The following DCC variants were observed in gnomAD, a reference collection of about 807,000 sequenced individuals.
The protein encoded by DCC is DCC netrin 1 receptor, also known as netrin receptor DCC.
In DCC, 58 loss-of-function variants were observed where a neutral mutation model predicts 172.5. That is an observed-to-expected ratio of 0.34 (90% confidence interval 0.27 to 0.42). The LOEUF (loss-of-function observed/expected upper bound fraction) is 0.42, where lower values mean the gene tolerates loss of function less well. Among genes scored for constraint, DCC ranks in the 10% least tolerant of loss-of-function variants. DCC has a pLI of 1.00. For synonymous variants in DCC, 709 were observed against 644.5 expected, an observed-to-expected ratio of 1.10 and a Z score of -1.52; for missense variants, 1,740 against 1,791.0, an observed-to-expected ratio of 0.97 and a Z score of 0.51.
intron 1 of DCC, among the ~76,000 whole-genome samples, chr18:52,518,092 A>C (rs1157845270): frequency 6.6e-6 from 1 of 152,186 alleles, no homozygotes; most frequent in Non-Finnish European, 1.5e-5. Flanking sequence ...TTCCCTAAAA[A>C]ATCTTTGATA....
In DCC at chr18:53,533,208, A is replaced by G. The variant is rs2046540993; in HGVS notation, c.*2555A>G. 1 of 152,122 alleles carries G rather than the reference A, an allele frequency of 6.6e-6. No homozygotes were observed. The highest frequency in any genetic ancestry group is 1.5e-5 in the Non-Finnish European group (1 of 68,020). The allele number at this position is 152,122 out of a possible 1,614,324, so 9.4% of individuals were successfully genotyped here. On this transcript the variant is annotated 3_prime_UTR_variant, in exon 29 of 29. Transcript: ENST00000442544. ...GCCCAAGTTTTCAGGTAACTTATTA[A>G]TTTCCCAGTCTCCTGATCTCTTGAC...
At position 53,043,318 on chromosome 18, in the gene DCC, TG is replaced by T. The variant is rs1465900714; in HGVS notation, c.986-19981del. Reference sequence around the variant, plus strand: ...TCACACAGTGGGGCCTGCTGGGGGTTGGGGGGCAAGGGGAGAGATAACATTA... The same window carrying T: ...TCACACAGTGGGGCCTGCTGGGGGTTGGGGGCAAGGGGAGAGATAACATTA... On this transcript the variant is annotated intron_variant, in intron 5 of 28. Transcript: ENST00000442544. 2.8e-5 allele frequency among the ~76,000 whole-genome samples: 3 copies of T among 105,646 alleles called. No homozygotes were observed. The East Asian group carries it at 7.2e-4, about 25-fold the overall frequency. 69.3% of individuals were successfully genotyped at this position (105,646 alleles called of 152,430 possible).
At chr18:53,405,120 C>A (rs1909577756) in intron 19 of DCC, among the ~76,000 whole-genome samples, 1 of 151,206 alleles carries the variant, frequency 6.6e-6, no homozygotes, top group African/African-American at 2.4e-5. Flanking sequence ...AAATACTACA[C>A]CACTAAGCAG....
chr18:52,758,990 C>T (rs889000783), intron 2 of DCC: 4 of 152,084 alleles, frequency 2.6e-5, no homozygotes, highest in Non-Finnish European at 4.4e-5. Context: ...CTCTGTAATT[C>T]TTAATGACTT....
intron 1 of DCC, among the ~76,000 whole-genome samples, chr18:52,734,237 T>G (rs1893326096): frequency 6.6e-6 from 1 of 152,120 alleles, no homozygotes; most frequent in Non-Finnish European, 1.5e-5. Context: ...TGTCCTGGCT[T>G]AATTATAAAT....
At chr18:53,468,870 C>T (rs2045660962) in intron 25 of DCC, among the ~76,000 whole-genome samples, 2 of 152,116 alleles carry the variant, frequency 1.3e-5, no homozygotes, top group South Asian at 2.1e-4. Context: ...TACTTCTATG[C>T]TCAGTCTTGG....
intron 7 of DCC, among the ~76,000 whole-genome samples, chr18:53,135,302 G>T (rs1480802917): frequency 2.6e-5 from 4 of 152,060 alleles, no homozygotes; most frequent in African/African-American, 9.7e-5. Context: ...AAGAGATGGA[G>T]GTGGGATCAG....
chr18:53,246,541 A>G (rs958206309), intron 12 of DCC, among the ~76,000 whole-genome samples: 1 of 151,940 alleles, frequency 6.6e-6, no homozygotes, highest in African/African-American at 2.4e-5. Flanking sequence ...AAAACAGGTG[A>G]ATTAAAAGTA....
At chr18:52,351,898 TG>T (rs1414116718) in intron 1 of DCC, among the ~76,000 whole-genome samples, 1 of 152,216 alleles carries the variant, frequency 6.6e-6, no homozygotes, top group Non-Finnish European at 1.5e-5. Context: ...TCACCGGACC[TG>T]GAACTACTGT....
At chr18:52,545,195 A>G (rs1474344611) in intron 1 of DCC, among the ~76,000 whole-genome samples, 9 of 152,216 alleles carry the variant, frequency 5.9e-5, no homozygotes, top group African/African-American at 2.2e-4. Context: ...TTATCAGGAT[A>G]TGTGAGATAC....
chr18:52,449,376 AAC>A (rs1988229392), intron 1 of DCC, among the ~76,000 whole-genome samples: 1 of 152,240 alleles, frequency 6.6e-6, no homozygotes. Flanking sequence ...CAAGATTGTG[AAC>A]ACAGTTTCAG....
intron 2 of DCC, among the ~76,000 whole-genome samples, chr18:52,811,109 G>T (rs913763678): frequency 2.6e-5 from 4 of 152,090 alleles, no homozygotes; most frequent in Non-Finnish European, 4.4e-5. Flanking sequence ...TTTCAAAAAA[G>T]ATATGTTTGC....
chr18:53,241,715 C>T (rs73957118), intron 12 of DCC, among the ~76,000 whole-genome samples: 6,429 of 152,172 alleles, frequency 0.042, 419 homozygotes, highest in African/African-American at 0.14. Context: ...CCAGCCAGGG[C>T]GAATGAGTCC....
chr18:52,891,852 T>C (rs2039655238), intron 2 of DCC, among the ~76,000 whole-genome samples: 3 of 152,116 alleles, frequency 2.0e-5, no homozygotes, highest in Non-Finnish European at 4.4e-5. Context: ...CTGTTAAGTT[T>C]CTCTCTGAGA....
At chr18:53,500,915 C>T in intron 27 of DCC, among the ~76,000 whole-genome samples, 1 of 152,084 alleles carries the variant, frequency 6.6e-6, no homozygotes, top group East Asian at 1.9e-4. Context: ...TCCACACATA[C>T]TACATTATGG....
chr18:53,252,322 C>A (rs538846687), intron 12 of DCC, among the ~76,000 whole-genome samples: 1 of 151,724 alleles, frequency 6.6e-6, no homozygotes, highest in South Asian at 2.1e-4. Flanking sequence ...AGTATTACAC[C>A]ACAATAAAAA....
At chr18:52,997,910 T>G (rs552003965) in intron 5 of DCC, among the ~76,000 whole-genome samples, 49 of 152,068 alleles carry the variant, frequency 3.2e-4, no homozygotes, top group Admixed American at 2.7e-3. Context: ...AGACATCACC[T>G]CCTCAGAGCA....
At chr18:52,793,421 C>A (rs1313373044) in intron 2 of DCC, among the ~76,000 whole-genome samples, 2 of 152,130 alleles carry the variant, frequency 1.3e-5, no homozygotes, top group Non-Finnish European at 2.9e-5. Context: ...AAGAGAAAAG[C>A]CTTACTGAAG....
At chr18:52,871,031 C>T (rs1482420179) in intron 2 of DCC, among the ~76,000 whole-genome samples, 1 of 152,126 alleles carries the variant, frequency 6.6e-6, no homozygotes, top group Admixed American at 6.6e-5. Flanking sequence ...TTGGACTTTT[C>T]CAGCACTAAC....
Sources: gnomAD v4.1 joint callset for allele counts (sites outside exome capture counted in the v4.1 genomes callset) on GRCh38, gnomAD v4.1.1 for gene constraint, MANE v1.5 for transcripts, NCBI Gene and HGNC (gene_info 2026-07-23, HGNC 2026-07-21) for gene names.